The following MAP3K3 variants were observed in gnomAD, a reference collection of about 807,000 sequenced individuals.
MAP3K3 encodes the protein mitogen-activated protein kinase kinase kinase 3.
Under a neutral mutation model 80.9 loss-of-function variants are expected in MAP3K3, and 12 were observed. The ratio of observed to expected loss-of-function variants is 0.15; its 90% CI spans 0.10 to 0.24. The LOEUF (loss-of-function observed/expected upper bound fraction) is 0.24, where lower values mean the gene tolerates loss of function less well. Ranked by LOEUF, MAP3K3 falls within the 10% of genes least tolerant of loss-of-function variation. The pLI, the probability that MAP3K3 is intolerant of heterozygous loss-of-function variation, is 1.00. For missense variants in MAP3K3, 596 were observed against 834.7 expected (o/e 0.71, Z 3.52); for synonymous variants, 272 against 307.1 (o/e 0.89, Z 1.19).
chr17:63,664,321 C>T (rs2034959107), intron 5 of MAP3K3, among the ~76,000 whole-genome samples: 1 of 151,734 alleles, frequency 6.6e-6, no homozygotes, highest in East Asian at 1.9e-4. Flanking sequence ...ATTAAATCAC[C>T]TCAGATGCTT....
At chr17:63,641,600 C>T (rs2143258575) in intron 2 of MAP3K3, among the ~76,000 whole-genome samples, 1 of 152,236 alleles carries the variant, frequency 6.6e-6, no homozygotes, top group African/African-American at 2.4e-5. Flanking sequence ...TTCGAGGTTA[C>T]ACAGCTAGGA....
In MAP3K3 at chr17:63,692,220, C is replaced by T. The variant is rs1220850324; in HGVS notation, c.1475-22C>T. The T allele has an allele frequency of 1.2e-6, 2 of 1,613,414 alleles. No homozygotes were observed. The highest frequency in any genetic ancestry group is 1.7e-6 in the Non-Finnish European group (2 of 1,179,832). On this transcript the variant is annotated intron_variant, in intron 14 of 15. Coordinates refer to ENST00000361733, the MANE Select transcript of MAP3K3 (RefSeq NM_002401.5). The surrounding 1 kb of genome is among the most constrained non-coding windows in gnomAD (Gnocchi z 4.5). Reference sequence around the variant, plus strand: ...AATGCAAGAGGGTCCAGGGTTGCAGCCTCTGCCCTTTCATGCCTCAGGAGC... The same window carrying T: ...AATGCAAGAGGGTCCAGGGTTGCAGTCTCTGCCCTTTCATGCCTCAGGAGC...
chr17:63,622,828 G>A, intron 1 of MAP3K3, 65 bp downstream of exon 1: 7 of 421,230 alleles, frequency 1.7e-5, no homozygotes, highest in South Asian at 1.0e-4. Flanking sequence ...CCAGGCTGAG[G>A]GAGGAGGACC....
rs974863872 is a variant in MAP3K3 at position 63,694,449 on chromosome 17, G to T, written c.*672G>T. The T allele has an allele frequency of 6.5e-6, 1 of 152,786 alleles. No individual in the cohort carries two copies. The highest frequency in any genetic ancestry group is 1.5e-5 in the Non-Finnish European group (1 of 68,124). The allele number at this position is 152,786 out of a possible 1,614,324, so 9.5% of individuals were successfully genotyped here. On this transcript the variant is annotated 3_prime_UTR_variant, in exon 16 of 16. Coordinates refer to ENST00000361733, the MANE Select transcript of MAP3K3 (RefSeq NM_002401.5). ...AGGCAGGGGCCCGCGATGTGGAACT[G>T]CTGCCACTGAGGGGGGATCCAGTTT...
chr17:63,682,036 C>A, intron 7 of MAP3K3, 137 bp downstream of exon 7: 1 of 710,080 alleles, frequency 1.4e-6, no homozygotes, highest in Non-Finnish European at 2.0e-6. Flanking sequence ...ACCAGGCCTG[C>A]CCAAATATGG....
intron 1 of MAP3K3, among the ~76,000 whole-genome samples, chr17:63,629,789 T>C (rs1168926186): frequency 6.6e-6 from 1 of 152,260 alleles, no homozygotes; most frequent in Non-Finnish European, 1.5e-5. Flanking sequence ...TTTCCACTAG[T>C]GTGTTCTCAG....
chr17:63,659,714 G>C (rs902829839), intron 5 of MAP3K3, among the ~76,000 whole-genome samples: 4 of 151,682 alleles, frequency 2.6e-5, no homozygotes, highest in Non-Finnish European at 5.9e-5. Context: ...TGTATTTTTA[G>C]TAGAGAAGGG....
In MAP3K3 at chr17:63,691,649, G is replaced by T; in HGVS notation, c.1345-84G>T. The T allele has an allele frequency of 6.5e-7, 1 of 1,542,222 alleles. No individual in the cohort carries two copies. The stretch of plus-strand genomic sequence containing the variant: ...TAGGAATTGAACAAATCACTCCTTT[G>T]CTGCCATGCTGGGGGCTGGAATGGG... On this transcript the variant is annotated intron_variant, in intron 13 of 15. Coordinates refer to ENST00000361733, the MANE Select transcript of MAP3K3 (RefSeq NM_002401.5). This position sits in a 1 kb window ranked among gnomAD's most constrained non-coding sequence, Gnocchi z 4.8.
intron 7 of MAP3K3, 49 bp from the exon 8 acceptor site, chr17:63,685,468 G>A (rs1295600111): frequency 6.8e-7 from 1 of 1,463,660 alleles, no homozygotes; most frequent in South Asian, 1.1e-5. Flanking sequence ...GGGTCACTGG[G>A]GGGAATTGGG....
intron 6 of MAP3K3, among the ~76,000 whole-genome samples, chr17:63,675,930 A>G (rs534508281): frequency 6.6e-6 from 1 of 152,266 alleles, no homozygotes; most frequent in African/African-American, 2.4e-5. Context: ...CCAGTATCCT[A>G]TCCTGTTTAG....
chr17:63,626,216 C>A (rs982129506), intron 1 of MAP3K3, among the ~76,000 whole-genome samples: 4 of 152,182 alleles, frequency 2.6e-5, no homozygotes, highest in African/African-American at 9.7e-5. Context: ...TTAATTTATT[C>A]TTTGCCCATT....
intron 7 of MAP3K3, chr17:63,682,547 T>TTGAGTTTGAGGCTCTTTTCTAAGCTCAGA (rs1425265780): frequency 6.6e-6 from 1 of 152,268 alleles, no homozygotes; most frequent in Non-Finnish European, 1.5e-5. Flanking sequence ...CCTGCCTTTC[T>TTGAGTTTGAGGCTCTTTTCTAAGCTCAGA]TGAGTTTGAG....
At chr17:63,670,120 T>C (rs2035074317) in intron 6 of MAP3K3, among the ~76,000 whole-genome samples, 1 of 150,742 alleles carries the variant, frequency 6.6e-6, no homozygotes, top group Non-Finnish European at 1.5e-5. Context: ...AAAAAAGTAA[T>C]TACCAAAGTA....
intron 2 of MAP3K3, among the ~76,000 whole-genome samples, chr17:63,642,106 T>A (rs2034455072): frequency 6.6e-6 from 1 of 152,208 alleles, no homozygotes; most frequent in African/African-American, 2.4e-5. Flanking sequence ...CTCAGAAGAT[T>A]TGGGCATATC....
chr17:63,661,473 T>C (rs2034889719), intron 5 of MAP3K3, among the ~76,000 whole-genome samples: 2 of 152,252 alleles, frequency 1.3e-5, no homozygotes, highest in Admixed American at 6.5e-5. Flanking sequence ...TTTTAGCTTA[T>C]GCATCTAACT....
Position 63,688,537 on chromosome 17 carries a change from C to A in MAP3K3, c.721C>A (p.Arg241=). 2 of 1,614,050 alleles carry A rather than the reference C, an allele frequency of 1.2e-6. No homozygotes were observed. The highest frequency in any genetic ancestry group is 1.7e-6 in the Non-Finnish European group (2 of 1,179,948). Reference sequence around the variant, plus strand: ...TTTTGTTTTCTCCAGCCCATCCTTCCGGAAATCACGAATGTCCCGTGCCCA... The same window carrying A: ...TTTTGTTTTCTCCAGCCCATCCTTCAGGAAATCACGAATGTCCCGTGCCCA... The part of the protein sequence containing the change: ...LDRSADSPSF[R]KSRMSRAQSF... Residue 241 remains arginine (R), a synonymous_variant, in exon 9 of 16, where the codon CGG becomes AGG. Coordinates refer to ENST00000361733, the MANE Select transcript of MAP3K3 (RefSeq NM_002401.5).
chr17:63,685,405 C>T (rs1451993032), intron 7 of MAP3K3, 112 bp from the exon 8 acceptor site: 1 of 809,400 alleles, frequency 1.2e-6, no homozygotes, highest in East Asian at 2.5e-5. Context: ...AGAAAAAGGA[C>T]ACTTTCATGT....
At chr17:63,623,482 C>G (rs2034037579) in intron 1 of MAP3K3, among the ~76,000 whole-genome samples, 1 of 152,202 alleles carries the variant, frequency 6.6e-6, no homozygotes, top group South Asian at 2.1e-4. Flanking sequence ...TGCGGTATCC[C>G]TGAAATTATG....
At chr17:63,665,891 G>C (rs2034990101) in intron 5 of MAP3K3, among the ~76,000 whole-genome samples, 1 of 152,210 alleles carries the variant, frequency 6.6e-6, no homozygotes, top group Admixed American at 6.5e-5. Flanking sequence ...TGGAGGACAG[G>C]ATATAGAGTT....
Sources: gnomAD v4.1 joint callset for allele counts (sites outside exome capture counted in the v4.1 genomes callset) on GRCh38, gnomAD v4.1.1 for gene constraint, Gnocchi (gnomAD v3.1) non-coding constraint, MANE v1.5 for transcripts, NCBI Gene and HGNC (gene_info 2026-07-23, HGNC 2026-07-21) for gene names.